The following INTS9 variants were observed in gnomAD, a reference collection of about 807,000 sequenced individuals.
The protein encoded by INTS9 is protein related to CPSF subunits of 74 kDa.
A neutral mutation model predicts 79.7 loss-of-function variants in INTS9; 55 were observed. That is an observed-to-expected ratio of 0.69 (90% CI 0.56 to 0.86). INTS9 has a LOEUF of 0.86. Ranked by LOEUF, INTS9 falls within the 40% of genes least tolerant of loss-of-function variation. INTS9 has a pLI of 0.00. For missense variants in INTS9, 721 were observed against 831.5 expected (o/e 0.87, Z 1.64); for synonymous variants, 319 against 325.2 (o/e 0.98, Z 0.20).
intron 8 of INTS9, among the ~76,000 whole-genome samples, chr8:28,811,151 T>C (rs1805104513): frequency 6.7e-6 from 1 of 149,434 alleles, no homozygotes; most frequent in Non-Finnish European, 1.5e-5. Context: ...TTTGTTGAGA[T>C]GGAGTCTCAC....
At chr8:28,779,536 C>T (rs1282238209) in intron 12 of INTS9, among the ~76,000 whole-genome samples, 1 of 152,184 alleles carries the variant, frequency 6.6e-6, no homozygotes, top group East Asian at 1.9e-4. Context: ...AAGCAAACTT[C>T]CCGCTATGCC....
chr8:28,858,744 C>T (rs1808301918), intron 2 of INTS9, among the ~76,000 whole-genome samples: 1 of 152,160 alleles, frequency 6.6e-6, no homozygotes, highest in Admixed American at 6.5e-5. Context: ...ACCCAGCTTA[C>T]TATGCTTTTG....
chr8:28,861,751 A>G (rs930080633), intron 1 of INTS9, among the ~76,000 whole-genome samples: 37 of 152,364 alleles, frequency 2.4e-4, no homozygotes, highest in African/African-American at 8.2e-4. Context: ...TGCTCAAAAG[A>G]TTTCAGCAAA....
intron 3 of INTS9, among the ~76,000 whole-genome samples, chr8:28,848,467 T>C (rs1807652477): frequency 6.6e-6 from 1 of 152,224 alleles, no homozygotes; most frequent in South Asian, 2.1e-4. Flanking sequence ...CTGTACTCTC[T>C]GGTTTCTCTC....
In INTS9 at chr8:28,854,251, C is replaced by CA. The variant is rs1214504148; in HGVS notation, c.138-3979dup. The stretch of plus-strand genomic sequence containing the variant: ...GCATGAGTCCATTCATTCATTTATT[C>CA]AAAAAATATTAACAAGCTTAATACT... On this transcript the variant is annotated intron_variant, in intron 2 of 16. Transcript: ENST00000521022. Among the ~76,000 whole-genome samples, 65 of 151,982 alleles carry CA rather than the reference C, an allele frequency of 4.3e-4. 2 individuals carry two copies. The highest frequency in any genetic ancestry group is 1.5e-3 in the African/African-American group (63 of 41,456).
chr8:28,802,942 T>A (rs1339158351), intron 8 of INTS9, among the ~76,000 whole-genome samples: 3 of 145,712 alleles, frequency 2.1e-5, no homozygotes, highest in African/African-American at 7.8e-5. Context: ...AAACCCCGTT[T>A]CTACAAAAAA....
intron 11 of INTS9, 66 bp from the exon 12 acceptor site, chr8:28,781,060 C>T (rs75609888): frequency 0.1 from 134,706 of 1,329,334 alleles, 8,908 homozygotes; most frequent in South Asian, 0.25. Context: ...AACCAAAGTA[C>T]GGGAGGGTGA....
chr8:28,813,704 G>T, intron 6 of INTS9, 92 bp from the exon 7 acceptor site: 1 of 1,382,090 alleles, frequency 7.2e-7, no homozygotes, highest in Non-Finnish European at 1.0e-6. Context: ...TGATCCAAAT[G>T]GTTTAATTTA....
rs187564249 is a variant in INTS9 at position 28,774,157 on chromosome 8, G to A, written c.1563+1602C>T. On this transcript the variant is annotated intron_variant, in intron 14 of 16. Transcript: ENST00000521022. ...AATGTACTTACTGATAGGTGAAAAA[G>A]ACGACAGTGTATGAGGTGTGATTCC... 2.6e-3 allele frequency among the ~76,000 whole-genome samples: 398 copies of A among 152,280 alleles called. 1 individual carries two copies. The highest frequency in any genetic ancestry group is 9.3e-3 in the African/African-American group (386 of 41,536).
chr8:28,860,475 C>CTT (rs769131992), intron 1 of INTS9, among the ~76,000 whole-genome samples: 4 of 143,954 alleles, frequency 2.8e-5, no homozygotes, highest in South Asian at 2.2e-4. Flanking sequence ...CCATTCTCTC[C>CTT]TTTTTTTTTT....
intron 11 of INTS9, among the ~76,000 whole-genome samples, chr8:28,786,748 C>T (rs1803616790): frequency 6.6e-6 from 1 of 152,074 alleles, no homozygotes; most frequent in South Asian, 2.1e-4. Flanking sequence ...GACGGAGTCT[C>T]ACTCTGTGAC....
intron 11 of INTS9, among the ~76,000 whole-genome samples, chr8:28,786,924 A>G (rs538178517): frequency 1.8e-4 from 28 of 152,124 alleles, no homozygotes; most frequent in South Asian, 4.2e-4. Flanking sequence ...TCACTGTGTT[A>G]GCCAGGATGG....
intron 3 of INTS9, among the ~76,000 whole-genome samples, chr8:28,848,245 T>C (rs994842295): frequency 1.6e-4 from 25 of 152,248 alleles, no homozygotes; most frequent in African/African-American, 6.0e-4. Context: ...GATACTGTTG[T>C]AATTTTTTTC....
intron 4 of INTS9, among the ~76,000 whole-genome samples, chr8:28,841,747 T>C (rs1030244879): frequency 4.6e-5 from 7 of 152,160 alleles, no homozygotes; most frequent in African/African-American, 9.7e-5. Flanking sequence ...CTATATATGG[T>C]ATTCTTACAA....
chr8:28,784,271 G>A (rs543342983), intron 11 of INTS9, among the ~76,000 whole-genome samples: 23 of 152,316 alleles, frequency 1.5e-4, no homozygotes, highest in African/African-American at 5.1e-4. Context: ...GTGTGTGAGT[G>A]AGAATGTGAT....
chr8:28,778,523 G>A (rs1179814979), intron 12 of INTS9, among the ~76,000 whole-genome samples: 3 of 152,154 alleles, frequency 2.0e-5, no homozygotes, highest in Middle Eastern at 3.2e-3. Flanking sequence ...GCACGGCCCC[G>A]CCTCCAGGCC....
At chr8:28,786,967 T>C (rs1022356997) in intron 11 of INTS9, among the ~76,000 whole-genome samples, 5 of 152,186 alleles carry the variant, frequency 3.3e-5, no homozygotes, top group African/African-American at 9.7e-5. Flanking sequence ...TCCACCCGCC[T>C]TGGCCTCCCA....
Position 28,770,481 on chromosome 8 carries a change from C to G in INTS9, c.1663-455G>C, listed in dbSNP as rs373630492. Among the ~76,000 whole-genome samples the G allele has an allele frequency of 5.3e-5, 8 of 152,328 alleles. No individual in the cohort carries two copies. The South Asian group carries it at 8.3e-4, about 16-fold the overall frequency. The stretch of plus-strand genomic sequence containing the variant: ...ATGACAGCAGTGAATTCTGACGGCT[C>G]AGTAAGACAAGGCGGGTCAAGGACC... On this transcript the variant is annotated intron_variant, in intron 15 of 16. Transcript: ENST00000521022.
chr8:28,878,477 T>TA (rs34619082), intron 1 of INTS9, among the ~76,000 whole-genome samples: 5,962 of 136,528 alleles, frequency 0.044, 345 homozygotes, highest in African/African-American at 0.14. Flanking sequence ...CACATCCAGC[T>TA]AAAAAAAAAA....
Sources: gnomAD v4.1 joint callset for allele counts (sites outside exome capture counted in the v4.1 genomes callset) on GRCh38, gnomAD v4.1.1 for gene constraint, MANE v1.5 for transcripts, NCBI Gene and HGNC (gene_info 2026-07-23, HGNC 2026-07-21) for gene names.